The following TMTC2 variants were observed in gnomAD, a reference collection of about 807,000 sequenced individuals.
The protein encoded by TMTC2 is protein O-mannosyl-transferase TMTC2.
In TMTC2, 43 loss-of-function variants were observed where a neutral mutation model predicts 82.4. The ratio of observed to expected loss-of-function variants is 0.52; its 90% CI spans 0.41 to 0.67. TMTC2 has a LOEUF of 0.67. Ranked by LOEUF, TMTC2 falls within the 30% of genes least tolerant of loss-of-function variation. The pLI is 0.00. For synonymous variants in TMTC2, 408 were observed against 381.9 expected, an observed-to-expected ratio of 1.07 and a Z score of -0.80; for missense variants, 919 against 1,012.4, an observed-to-expected ratio of 0.91 and a Z score of 1.25.
At chr12:82,923,571 A>G (rs1219888439) in intron 3 of TMTC2, among the ~76,000 whole-genome samples, 1 of 151,968 alleles carries the variant, frequency 6.6e-6, no homozygotes, top group Admixed American at 6.6e-5. Flanking sequence ...CATTCCACAG[A>G]TATATTCTTC....
intron 1 of TMTC2, among the ~76,000 whole-genome samples, chr12:82,839,281 A>G (rs1478320857): frequency 1.3e-5 from 2 of 152,164 alleles, no homozygotes; most frequent in African/African-American, 4.8e-5. Context: ...CTATTCTGTT[A>G]TTCTCCCCAA....
intron 2 of TMTC2, among the ~76,000 whole-genome samples, chr12:82,870,132 A>T (rs1872100137): frequency 6.6e-6 from 1 of 152,092 alleles, no homozygotes; most frequent in Non-Finnish European, 1.5e-5. Flanking sequence ...TCTAATTTTT[A>T]TTTCACCCTG....
intron 11 of TMTC2, among the ~76,000 whole-genome samples, chr12:83,069,513 T>G (rs535332501): frequency 6.6e-6 from 1 of 152,206 alleles, no homozygotes; most frequent in African/African-American, 2.4e-5. Context: ...AACTGTCTAT[T>G]CATGTCCTTA....
At chr12:83,058,825 T>C (rs535813423) in intron 10 of TMTC2, among the ~76,000 whole-genome samples, 23 of 151,976 alleles carry the variant, frequency 1.5e-4, no homozygotes, top group African/African-American at 5.5e-4. Context: ...CTTCTCTTAA[T>C]ACTTGGACAC....
intron 11 of TMTC2, among the ~76,000 whole-genome samples, chr12:83,115,986 A>G (rs916251677): frequency 6.6e-6 from 1 of 152,002 alleles, no homozygotes; most frequent in East Asian, 1.9e-4. Context: ...CGGGCTTTCA[A>G]TGTGTTTGCC....
intron 1 of TMTC2, among the ~76,000 whole-genome samples, chr12:82,732,665 A>G (rs752520999): frequency 1.3e-5 from 2 of 152,200 alleles, no homozygotes; most frequent in Non-Finnish European, 2.9e-5. Context: ...CTTTAAGGCT[A>G]AGGGAATGAC....
At chr12:83,070,771 G>A (rs754642889) in intron 11 of TMTC2, among the ~76,000 whole-genome samples, 4 of 152,118 alleles carry the variant, frequency 2.6e-5, no homozygotes, top group Non-Finnish European at 4.4e-5. Context: ...TCTTGTTCCA[G>A]TTCTCAGAGG....
chr12:82,786,201 TAGAA>T (rs1878168843), intron 1 of TMTC2, among the ~76,000 whole-genome samples: 1 of 152,094 alleles, frequency 6.6e-6, no homozygotes, highest in Admixed American at 6.6e-5. Flanking sequence ...TGTAAAGTGT[TAGAA>T]AGAAAAATGC....
chr12:82,962,981 T>C (rs1032759300), intron 4 of TMTC2, among the ~76,000 whole-genome samples: 14 of 152,014 alleles, frequency 9.2e-5, no homozygotes, highest in Admixed American at 7.9e-4. Flanking sequence ...GGAAGGTGAA[T>C]TCAGTAGTCT....
chr12:82,715,297 A>G (rs1004774350), intron 1 of TMTC2, among the ~76,000 whole-genome samples: 1 of 152,016 alleles, frequency 6.6e-6, no homozygotes, highest in Non-Finnish European at 1.5e-5. Flanking sequence ...CAAAAAAGAA[A>G]AGGCATACAA....
rs201860895 is a variant in TMTC2 at position 82,697,249 on chromosome 12, CA to C, written c.83+9581del. On this transcript the variant is annotated intron_variant, in intron 1 of 11. Coordinates refer to ENST00000321196, the MANE Select transcript of TMTC2 (RefSeq NM_152588.3). ...ATCCCAGCTACTCAGGAGGCTGAGGCAGGGGAATTGCTTGAACCTGGTGAGC... is the reference window on the plus strand; with the variant it reads ...ATCCCAGCTACTCAGGAGGCTGAGGCGGGGAATTGCTTGAACCTGGTGAGC... Among the ~76,000 whole-genome samples the C allele has an allele frequency of 6.0e-3, 875 of 145,562 alleles. 8 individuals are homozygous for C. Among genetic ancestry groups the C allele is most frequent in the African/African-American group, 0.021 (835 of 39,180 alleles).
chr12:82,962,569 A>T (rs751104167), intron 4 of TMTC2, among the ~76,000 whole-genome samples: 4 of 151,840 alleles, frequency 2.6e-5, no homozygotes, highest in African/African-American at 4.8e-5. Context: ...AATTACAAAG[A>T]TTTTTTCCCT....
chr12:82,853,139 A>G (rs1049910039), intron 1 of TMTC2, among the ~76,000 whole-genome samples: 2 of 149,838 alleles, frequency 1.3e-5, no homozygotes, highest in African/African-American at 4.9e-5. Context: ...GTCTCACTCT[A>G]TTGCCAAGGC....
intron 9 of TMTC2, among the ~76,000 whole-genome samples, chr12:83,045,426 T>C (rs558154323): frequency 2.6e-5 from 4 of 152,300 alleles, no homozygotes; most frequent in African/African-American, 9.6e-5. Context: ...TGTGCTTTTT[T>C]AATTTGTAAT....
chr12:82,923,344 AT>A (rs1239954242), intron 3 of TMTC2, among the ~76,000 whole-genome samples: 3 of 152,006 alleles, frequency 2.0e-5, no homozygotes, highest in Non-Finnish European at 4.4e-5. Flanking sequence ...TGGATTTCTT[AT>A]TTTTTTATTG....
In TMTC2 at chr12:83,003,854, T is replaced by A. The variant is rs115919339; in HGVS notation, c.2070+17808T>A. 2.8e-3 allele frequency among the ~76,000 whole-genome samples: 429 copies of A among 152,262 alleles called. 2 individuals are homozygous for A. The highest frequency in any genetic ancestry group is 9.7e-3 in the African/African-American group (405 of 41,546). ...ATGACTGTGTCTTGGGGGTGCTTAT[T>A]TTTTATATTATCTTGCAGGAATTCT... is the stretch of plus-strand genomic sequence containing the variant. On this transcript the variant is annotated intron_variant, in intron 8 of 11. Transcript: ENST00000321196.
At position 83,133,060 on chromosome 12, in the gene TMTC2, A is replaced by G. The variant is rs1425439242; in HGVS notation, c.*671A>G. 1 of 152,174 alleles carries G rather than the reference A, an allele frequency of 6.6e-6. No homozygotes were observed. Among genetic ancestry groups the G allele is most frequent in the Non-Finnish European group, 1.5e-5 (1 of 68,052 alleles). The allele number at this position is 152,174 out of a possible 1,614,324, so 9.4% of individuals were successfully genotyped here. On this transcript the variant is annotated 3_prime_UTR_variant, in exon 12 of 12. Transcript: ENST00000321196. ...GTTCTGAAAAGGATATGGAGAGTAG[A>G]GCTAACCATACTTCACACTCGAGTT...
intron 1 of TMTC2, among the ~76,000 whole-genome samples, chr12:82,798,403 A>G (rs1166387897): frequency 2.0e-5 from 3 of 147,892 alleles, no homozygotes; most frequent in East Asian, 2.0e-4. Context: ...AGGCTGAGGC[A>G]GGAGAATGGC....
rs758608524 is a variant in TMTC2 at position 82,965,574 on chromosome 12, A to G, written c.1699A>G (p.Thr567Ala). The G allele has an allele frequency of 6.8e-6, 11 of 1,613,436 alleles. No homozygotes were observed. The highest frequency in any genetic ancestry group is 8.5e-6 in the Non-Finnish European group (10 of 1,179,626). ...RPTLASAYLN[T>A]GIILMNQGRT... ...TTCCCCCTCAGCTGCATATTTAAAT[A>G]CCGGTATTATTCTAATGAACCAAGG... is the stretch of plus-strand genomic sequence containing the variant. The change falls in exon 6 of 12, where the codon ACC (threonine) becomes GCC (alanine). Residue 567 changes from threonine to alanine, a missense_variant. Physicochemically the swap from Thr to Ala is moderately conservative, Grantham distance 58. Coordinates refer to ENST00000321196, the MANE Select transcript of TMTC2 (RefSeq NM_152588.3).
Sources: allele counts gnomAD v4.1 joint callset (sites outside exome capture counted in the v4.1 genomes callset), GRCh38; gene constraint gnomAD v4.1.1; transcripts MANE v1.5; gene names NCBI Gene and HGNC (gene_info 2026-07-23, HGNC 2026-07-21).